Variants in KIF16B observed in about 807,000 individuals in gnomAD.
KIF16B encodes the protein kinesin-like protein KIF16B.
KIF16B carries 98 observed loss-of-function variants against 156.3 expected under a neutral mutation model. That is an observed-to-expected ratio of 0.63 (90% CI 0.53 to 0.74). The LOEUF is 0.74. Ranked by LOEUF, KIF16B falls within the 30% of genes least tolerant of loss-of-function variation. The pLI is 0.00. For missense variants in KIF16B, 1,421 were observed against 1,606.5 expected, an observed-to-expected ratio of 0.88 and a Z score of 1.97; for synonymous variants, 564 against 583.7, an observed-to-expected ratio of 0.97 and a Z score of 0.49.
In KIF16B at chr20:16,280,843, T is replaced by C. The variant is rs6034437; in HGVS notation, c.3796-7432A>G. On this transcript the variant is annotated intron_variant, in intron 25 of 25. Transcript: ENST00000354981. ...TTCAGTCAACTGCTGCGCGCGCACG[T>C]GTGTGTGTGTGTGTGTGTGTGTGTG... 1.8e-3 allele frequency among the ~76,000 whole-genome samples: 50 copies of C among 27,938 alleles called. 1 individual carries two copies. In the South Asian group the frequency reaches 0.039, roughly 22 times the overall value. The allele number at this position is 27,938 out of a possible 152,430, so 18.3% of individuals were successfully genotyped here.
chr20:16,300,446 C>A (rs1248379136), intron 25 of KIF16B, among the ~76,000 whole-genome samples: 4 of 152,072 alleles, frequency 2.6e-5, no homozygotes, highest in African/African-American at 9.7e-5. Context: ...TCAAATCTAC[C>A]CATCTGTCCA....
At chr20:16,423,086 G>T (rs928559879) in intron 15 of KIF16B, among the ~76,000 whole-genome samples, 1 of 152,014 alleles carries the variant, frequency 6.6e-6, no homozygotes, top group African/African-American at 2.4e-5. Context: ...TTTCATTTTA[G>T]GTAAAGCAAG....
chr20:16,469,628 C>T (rs2067602052), intron 12 of KIF16B, among the ~76,000 whole-genome samples: 1 of 149,956 alleles, frequency 6.7e-6, no homozygotes, highest in Non-Finnish European at 1.5e-5. Context: ...AAAATTAGAG[C>T]ACTATACTAG....
At chr20:16,349,391 G>A (rs2064292878) in intron 23 of KIF16B, among the ~76,000 whole-genome samples, 1 of 152,170 alleles carries the variant, frequency 6.6e-6, no homozygotes, top group South Asian at 2.1e-4. Flanking sequence ...ATGTCATCAA[G>A]GTGATTTTCT....
chr20:16,370,758 A>C (rs1235832316), intron 21 of KIF16B, 122 bp from the exon 22 acceptor site: 1 of 703,286 alleles, frequency 1.4e-6, no homozygotes, highest in Non-Finnish European at 2.3e-6. Flanking sequence ...TCATTCAACA[A>C]TGACAACCCT....
At chr20:16,274,396 G>GGATA (rs2063030377) in intron 25 of KIF16B, among the ~76,000 whole-genome samples, 1 of 152,190 alleles carries the variant, frequency 6.6e-6, no homozygotes, top group Non-Finnish European at 1.5e-5. Flanking sequence ...TGGGAACTGG[G>GGATA]GATAAAATCA....
At chr20:16,544,140 T>C (rs2070309807) in intron 1 of KIF16B, among the ~76,000 whole-genome samples, 1 of 152,026 alleles carries the variant, frequency 6.6e-6, no homozygotes, top group Admixed American at 6.6e-5. Flanking sequence ...GCACTTAGCC[T>C]CATTTCCCAC....
chr20:16,494,667 G>A (rs1043968708), intron 11 of KIF16B, among the ~76,000 whole-genome samples: 5 of 152,080 alleles, frequency 3.3e-5, no homozygotes, highest in South Asian at 2.1e-4. Context: ...AGATGACAAC[G>A]TCCCATTAAA....
At chr20:16,520,606 G>A (rs188574089) in intron 3 of KIF16B, among the ~76,000 whole-genome samples, 9 of 152,256 alleles carry the variant, frequency 5.9e-5, no homozygotes, top group Admixed American at 1.3e-4. Flanking sequence ...GCACAGCTTC[G>A]GCAGACTTAA....
chr20:16,383,341 G>A lies in KIF16B; in HGVS notation c.1785-1594C>T, dbSNP rs373110122. On this transcript the variant is annotated intron_variant, in intron 17 of 25. Transcript: ENST00000354981. ...TGGTAATAGGTGGTGGAGCCAGGATGTGAACTCATGGCAGTCTGCTTCCAA... is the reference window on the plus strand; with the variant it reads ...TGGTAATAGGTGGTGGAGCCAGGATATGAACTCATGGCAGTCTGCTTCCAA... Among the ~76,000 whole-genome samples the A allele has an allele frequency of 2.0e-5, 3 of 152,298 alleles. No individual in the cohort carries two copies. The South Asian group carries it at 6.2e-4, about 32-fold the overall frequency.
chr20:16,446,053 G>A (rs1218388890), intron 12 of KIF16B, among the ~76,000 whole-genome samples: 1 of 152,162 alleles, frequency 6.6e-6, no homozygotes, highest in Non-Finnish European at 1.5e-5. Flanking sequence ...GCCTATGAGA[G>A]TGCAGAAGCC....
chr20:16,494,320 T>G lies in KIF16B; in HGVS notation c.1273A>C (p.Lys425Gln). The G allele has an allele frequency of 6.2e-7, 1 of 1,603,560 alleles. No individual in the cohort carries two copies. Among genetic ancestry groups the G allele is most frequent in the Non-Finnish European group, 8.5e-7 (1 of 1,173,166 alleles). Residue 425 changes from lysine (K) to glutamine (Q), a missense_variant, in exon 12 of 26, where the codon AAG becomes CAG. Transcript: ENST00000354981. Reference sequence around the variant, plus strand: ...AAAATATTTTGGGTTTCATTCCACTTATTTGTCCATTCCTTGGTCAATTCT... The same window carrying G: ...AAAATATTTTGGGTTTCATTCCACTGATTTGTCCATTCCTTGGTCAATTCT... ...VQELTKEWTN[K>Q]WNETQNILKE...
At chr20:16,482,919 A>C (rs1490505144) in intron 12 of KIF16B, among the ~76,000 whole-genome samples, 1 of 152,196 alleles carries the variant, frequency 6.6e-6, no homozygotes, top group African/African-American at 2.4e-5. Context: ...AAAGGGCTCC[A>C]GAGGTGGCCC....
At chr20:16,485,868 T>C (rs1039502883) in intron 12 of KIF16B, among the ~76,000 whole-genome samples, 8 of 152,190 alleles carry the variant, frequency 5.3e-5, no homozygotes, top group Non-Finnish European at 1.2e-4. Flanking sequence ...CATACACACA[T>C]ATATATACAC....
intron 12 of KIF16B, 55 bp downstream of exon 12, chr20:16,494,235 AG>A: frequency 2.0e-6 from 2 of 1,001,826 alleles, no homozygotes; most frequent in Non-Finnish European, 1.5e-6. Flanking sequence ...AAAAAAAAAA[AG>A]TTTTACCAGT....
chr20:16,281,899 G>A (rs1442253212), intron 25 of KIF16B, among the ~76,000 whole-genome samples: 2 of 152,044 alleles, frequency 1.3e-5, no homozygotes, highest in East Asian at 1.9e-4. Flanking sequence ...CCAAGGACTG[G>A]TTCAAGGTGT....
chr20:16,410,475 T>C (rs746297227), intron 15 of KIF16B, among the ~76,000 whole-genome samples: 8 of 151,980 alleles, frequency 5.3e-5, no homozygotes, highest in African/African-American at 9.7e-5. Context: ...TACTGGAATA[T>C]ATATAATGAG....
At chr20:16,370,461 T>C (rs2050828729) in intron 22 of KIF16B, 125 bp downstream of exon 22, 2 of 660,810 alleles carry the variant, frequency 3.0e-6, no homozygotes, top group Admixed American at 4.0e-5. Flanking sequence ...TTGCCTTCCC[T>C]ATTAGCCATT....
chr20:16,460,612 T>A (rs896380205), intron 12 of KIF16B, among the ~76,000 whole-genome samples: 4 of 152,088 alleles, frequency 2.6e-5, no homozygotes, highest in Non-Finnish European at 5.9e-5. Context: ...AAGCTGTCAT[T>A]TGAAAACAAA....
Sources: gnomAD v4.1 joint callset for allele counts (sites outside exome capture counted in the v4.1 genomes callset) on GRCh38, gnomAD v4.1.1 for gene constraint, MANE v1.5 for transcripts, NCBI Gene and HGNC (gene_info 2026-07-23, HGNC 2026-07-21) for gene names.